NRG3: variants seen among roughly 807,000 people sequenced by gnomAD.
The protein encoded by NRG3 is pro-neuregulin-3, membrane-bound isoform.
Under a neutral mutation model 66.9 loss-of-function variants are expected in NRG3, and 31 were observed. The ratio of observed to expected loss-of-function variants is 0.46; its 90% CI spans 0.35 to 0.63. NRG3 has a LOEUF of 0.63. NRG3 is among the 20% of genes least tolerant of loss of function. The pLI is 0.00. For missense variants in NRG3, 910 were observed against 878.9 expected, an observed-to-expected ratio of 1.04 and a Z score of -0.45; for synonymous variants, 393 against 359.4, an observed-to-expected ratio of 1.09 and a Z score of -1.06.
At chr10:82,772,807 G>A (rs188665381) in intron 3 of NRG3, among the ~76,000 whole-genome samples, 11 of 147,198 alleles carry the variant, frequency 7.5e-5, no homozygotes, top group African/African-American at 2.8e-4. Context: ...CTGGGCTCAA[G>A]CAACACTCTG....
intron 3 of NRG3, among the ~76,000 whole-genome samples, chr10:82,822,721 G>A (rs1206676745): frequency 1.3e-5 from 2 of 152,082 alleles, no homozygotes; most frequent in Non-Finnish European, 2.9e-5. Context: ...TGCCCTGCCT[G>A]GTTTTGTGAG....
intron 4 of NRG3, among the ~76,000 whole-genome samples, chr10:82,936,728 C>T (rs572206608): frequency 2.2e-3 from 338 of 152,072 alleles, no homozygotes; most frequent in Non-Finnish European, 4.0e-3. Context: ...CATATAATTT[C>T]ATATGTCAAT....
chr10:82,825,737 A>G (rs1237917422), intron 3 of NRG3, among the ~76,000 whole-genome samples: 4 of 152,246 alleles, frequency 2.6e-5, no homozygotes. Context: ...ATATATTTCA[A>G]CAAGGGAAAG....
rs1218614466 is a variant in NRG3, at chr10:82,189,717, G to A, written c.824-169022G>A. Among the ~76,000 whole-genome samples the A allele has an allele frequency of 2.0e-4, 31 of 152,102 alleles. 1 individual carries two copies. Among genetic ancestry groups the A allele is most frequent in the Admixed American group, 2.0e-3 (30 of 15,272 alleles). Reference sequence around the variant, plus strand: ...AGGTAGGAGAATCGCTTGAACCTGGGAGGTGGAGGTTGCAGTGAGCCGAGA... The same window carrying A: ...AGGTAGGAGAATCGCTTGAACCTGGAAGGTGGAGGTTGCAGTGAGCCGAGA... On this transcript the variant is annotated intron_variant, in intron 1 of 8. Coordinates refer to ENST00000372141, the MANE Select transcript of NRG3 (RefSeq NM_001010848.4).
At chr10:82,824,577 G>A (rs965785661) in intron 3 of NRG3, among the ~76,000 whole-genome samples, 4 of 152,058 alleles carry the variant, frequency 2.6e-5, no homozygotes, top group African/African-American at 4.8e-5. Flanking sequence ...TGTGTGTGCC[G>A]TGGTATTCCA....
At chr10:82,133,142 C>T (rs1165599025) in intron 1 of NRG3, among the ~76,000 whole-genome samples, 5 of 148,638 alleles carry the variant, frequency 3.4e-5, no homozygotes, top group African/African-American at 1.2e-4. Flanking sequence ...CTTTAAAATG[C>T]ATCATTAAGT....
intron 2 of NRG3, among the ~76,000 whole-genome samples, chr10:82,509,206 A>G (rs1425429027): frequency 6.6e-6 from 1 of 152,142 alleles, no homozygotes; most frequent in Non-Finnish European, 1.5e-5. Context: ...CTACTCTGCA[A>G]TCAATGACAA....
chr10:82,491,636 G>A lies in NRG3; in HGVS notation c.953+132768G>A, dbSNP rs374643910. ...TCATAATCTCTGCTATTTAACTAGT[G>A]TCTAATTTCCTACCAATTAGTCTAT... On this transcript the variant is annotated intron_variant, in intron 2 of 8. Coordinates refer to ENST00000372141, the MANE Select transcript of NRG3 (RefSeq NM_001010848.4). 5.9e-5 allele frequency among the ~76,000 whole-genome samples: 9 copies of A among 152,050 alleles called. 1 individual carries two copies. Among genetic ancestry groups the A allele is most frequent in the African/African-American group, 2.2e-4 (9 of 41,534 alleles).
chr10:82,534,266 T>C (rs1565038191), intron 2 of NRG3, among the ~76,000 whole-genome samples: 1 of 151,150 alleles, frequency 6.6e-6, no homozygotes, highest in African/African-American at 2.4e-5. Flanking sequence ...AAATCCATTT[T>C]GTTTTTTTTT....
intron 1 of NRG3, among the ~76,000 whole-genome samples, chr10:82,228,684 G>T (rs1339021813): frequency 6.6e-6 from 1 of 152,114 alleles, no homozygotes; most frequent in African/African-American, 2.4e-5. Flanking sequence ...CTTTCCTCAT[G>T]AAAATTAATT....
At chr10:82,085,753 CA>C (rs2065683356) in intron 1 of NRG3, among the ~76,000 whole-genome samples, 1 of 152,066 alleles carries the variant, frequency 6.6e-6, no homozygotes, top group African/African-American at 2.4e-5. Context: ...TCTCCTACCT[CA>C]GCCTCCCAAG....
intron 1 of NRG3, among the ~76,000 whole-genome samples, chr10:82,295,029 T>C (rs890497036): frequency 1.3e-5 from 2 of 152,140 alleles, no homozygotes; most frequent in African/African-American, 4.8e-5. Flanking sequence ...ATTTAAATGA[T>C]AAAATTTAAG....
At chr10:82,109,032 C>T (rs2067224156) in intron 1 of NRG3, among the ~76,000 whole-genome samples, 1 of 152,212 alleles carries the variant, frequency 6.6e-6, no homozygotes, top group Admixed American at 6.5e-5. Flanking sequence ...GGGTTTTATT[C>T]ACCAGGGTAT....
chr10:82,409,691 T>C (rs1211453306), intron 2 of NRG3, among the ~76,000 whole-genome samples: 1 of 152,126 alleles, frequency 6.6e-6, no homozygotes, highest in Non-Finnish European at 1.5e-5. Context: ...AACAACTGTT[T>C]TATTTTGCTC....
At chr10:82,229,313 C>CA in intron 1 of NRG3, 1 of 152,018 alleles carries the variant, frequency 6.6e-6, no homozygotes, top group East Asian at 1.9e-4. Flanking sequence ...AATTAATTCC[C>CA]AAATGTATTA....
intron 1 of NRG3, among the ~76,000 whole-genome samples, chr10:82,175,467 A>G (rs1045789805): frequency 2.6e-5 from 4 of 152,044 alleles, no homozygotes; most frequent in Non-Finnish European, 4.4e-5. Flanking sequence ...CTTTCCTCTA[A>G]ATGCTGAATA....
intron 1 of NRG3, among the ~76,000 whole-genome samples, chr10:81,880,592 T>C (rs890539732): frequency 6.6e-6 from 1 of 152,188 alleles, no homozygotes; most frequent in African/African-American, 2.4e-5. Context: ...CTCCCCTTTG[T>C]ACACAATGAG....
chr10:82,454,423 A>G (rs1206302540), intron 2 of NRG3, among the ~76,000 whole-genome samples: 2 of 152,348 alleles, frequency 1.3e-5, no homozygotes, highest in Admixed American at 6.5e-5. Flanking sequence ...AATGGAGAAT[A>G]TATGCTACAC....
At chr10:82,174,997 A>G (rs1423890218) in intron 1 of NRG3, among the ~76,000 whole-genome samples, 1 of 152,154 alleles carries the variant, frequency 6.6e-6, no homozygotes, top group African/African-American at 2.4e-5. Context: ...TTTTAAAAAA[A>G]TTATGGTTAA....
Sources: allele counts gnomAD v4.1 joint callset (sites outside exome capture counted in the v4.1 genomes callset), GRCh38; gene constraint gnomAD v4.1.1; transcripts MANE v1.5; gene names NCBI Gene and HGNC (gene_info 2026-07-23, HGNC 2026-07-21).